TMTC1: variants seen among roughly 807,000 people sequenced by gnomAD.
TMTC1 encodes transmembrane O-mannosyltransferase targeting cadherins 1.
In TMTC1, 73 loss-of-function variants were observed where a neutral mutation model predicts 104.8. That is an observed-to-expected ratio of 0.70 (90% CI 0.58 to 0.85). The LOEUF (loss-of-function observed/expected upper bound fraction) is 0.85. Ranked by LOEUF, TMTC1 falls within the 40% of genes least tolerant of loss-of-function variation. The pLI, the probability that TMTC1 is intolerant of heterozygous loss-of-function variation, is 0.00. For missense variants in TMTC1, 1,035 were observed against 1,096.1 expected, an observed-to-expected ratio of 0.94 and a Z score of 0.79; for synonymous variants, 434 against 428.7, an observed-to-expected ratio of 1.01 and a Z score of -0.15.
At chr12:29,664,264 A>G (rs1216887833) in intron 5 of TMTC1, among the ~76,000 whole-genome samples, 1 of 152,042 alleles carries the variant, frequency 6.6e-6, no homozygotes, top group East Asian at 1.9e-4. Flanking sequence ...TCCCAATGTA[A>G]TGAAAGCCTA....
At chr12:29,600,754 G>A (rs1946542781) in intron 7 of TMTC1, among the ~76,000 whole-genome samples, 1 of 152,144 alleles carries the variant, frequency 6.6e-6, no homozygotes, top group African/African-American at 2.4e-5. Context: ...TCCACCCTCT[G>A]CTCCGGTGGC....
intron 7 of TMTC1, among the ~76,000 whole-genome samples, chr12:29,600,119 TAA>T (rs576864128): frequency 4.3e-5 from 6 of 139,908 alleles, no homozygotes; most frequent in East Asian, 2.1e-4. Flanking sequence ...ATTCCTGGGT[TAA>T]AAAAAAAAAA....
At chr12:29,744,869 A>T (rs1047032779) in intron 5 of TMTC1, among the ~76,000 whole-genome samples, 4 of 152,210 alleles carry the variant, frequency 2.6e-5, no homozygotes, top group Non-Finnish European at 4.4e-5. Context: ...TCATAATTAA[A>T]AAGCCTTTTA....
chr12:29,737,731 C>G (rs1431202890), intron 5 of TMTC1, among the ~76,000 whole-genome samples: 1 of 152,116 alleles, frequency 6.6e-6, no homozygotes, highest in Non-Finnish European at 1.5e-5. Context: ...GGTTCACATC[C>G]TGGGTCTTCC....
At chr12:29,695,247 C>G (rs1565775171) in intron 5 of TMTC1, among the ~76,000 whole-genome samples, 1 of 152,072 alleles carries the variant, frequency 6.6e-6, no homozygotes, top group Non-Finnish European at 1.5e-5. Flanking sequence ...ATCTCAAGAT[C>G]CTTAATTAAT....
chr12:29,536,422 C>T, intron 10 of TMTC1, 105 bp from the exon 11 acceptor site: 1 of 726,428 alleles, frequency 1.4e-6, no homozygotes, highest in Non-Finnish European at 2.4e-6. Context: ...CAAAGGTTAG[C>T]TGATTCACTC....
At chr12:29,582,138 T>C (rs549600686) in intron 8 of TMTC1, among the ~76,000 whole-genome samples, 1 of 152,378 alleles carries the variant, frequency 6.6e-6, no homozygotes, top group Non-Finnish European at 1.5e-5. Context: ...TTTTGTTTTA[T>C]ATTTTAAAAA....
chr12:29,611,555 G>A (rs779524011), intron 6 of TMTC1, among the ~76,000 whole-genome samples: 11 of 152,140 alleles, frequency 7.2e-5, no homozygotes, highest in Admixed American at 6.5e-4. Flanking sequence ...AAAAATGTTG[G>A]TGAATAAATA....
intron 11 of TMTC1, among the ~76,000 whole-genome samples, chr12:29,531,235 C>T (rs1025821113): frequency 6.6e-6 from 1 of 152,114 alleles, no homozygotes; most frequent in Non-Finnish European, 1.5e-5. Flanking sequence ...TTAGGGTCTT[C>T]GTCCAAGTTG....
chr12:29,590,338 G>A (rs1946247060), intron 7 of TMTC1, among the ~76,000 whole-genome samples: 1 of 152,200 alleles, frequency 6.6e-6, no homozygotes, highest in Admixed American at 6.5e-5. Context: ...TGGCTATAAA[G>A]TATCCTAATA....
intron 1 of TMTC1, among the ~76,000 whole-genome samples, chr12:29,775,892 A>G (rs1350149914): frequency 6.6e-6 from 1 of 152,086 alleles, no homozygotes; most frequent in Non-Finnish European, 1.5e-5. Context: ...CTTAGCATAA[A>G]CTTAGGTGTG....
At chr12:29,626,550 C>T (rs2136480458) in intron 6 of TMTC1, among the ~76,000 whole-genome samples, 1 of 152,200 alleles carries the variant, frequency 6.6e-6, no homozygotes, top group Non-Finnish European at 1.5e-5. Flanking sequence ...AGAAAGAATA[C>T]CCTCTTCAAA....
chr12:29,700,813 A>T (rs1437494086), intron 5 of TMTC1, among the ~76,000 whole-genome samples: 3 of 152,206 alleles, frequency 2.0e-5, no homozygotes, highest in Admixed American at 6.5e-5. Context: ...ACTGGACCAA[A>T]ATATGTGATG....
At chr12:29,638,245 C>A (rs1426756464) in intron 5 of TMTC1, among the ~76,000 whole-genome samples, 1 of 152,076 alleles carries the variant, frequency 6.6e-6, no homozygotes, top group African/African-American at 2.4e-5. Context: ...CCCTAGCGGG[C>A]ACAGATACAA....
chr12:29,611,005 T>C (rs769667125), intron 6 of TMTC1, among the ~76,000 whole-genome samples: 5 of 152,282 alleles, frequency 3.3e-5, no homozygotes, highest in African/African-American at 7.2e-5. Context: ...AAAGTAGACT[T>C]GTATACTTGA....
chr12:29,737,216 C>T (rs1011124488), intron 5 of TMTC1, among the ~76,000 whole-genome samples: 3 of 152,142 alleles, frequency 2.0e-5, no homozygotes, highest in Non-Finnish European at 4.4e-5. Context: ...AGCAGCAGCA[C>T]CCAACATGCA....
intron 5 of TMTC1, among the ~76,000 whole-genome samples, chr12:29,656,851 G>T (rs1405693504): frequency 6.6e-6 from 1 of 152,164 alleles, no homozygotes; most frequent in African/African-American, 2.4e-5. Context: ...TTCCACCAAA[G>T]AAGTTTTTTT....
chr12:29,571,515 C>A (rs961318896), intron 9 of TMTC1, among the ~76,000 whole-genome samples: 14 of 151,758 alleles, frequency 9.2e-5, no homozygotes, highest in East Asian at 1.9e-4. Context: ...GAAGCCATAT[C>A]TAAGGATATG....
At chr12:29,742,022 T>G (rs772635160) in intron 5 of TMTC1, among the ~76,000 whole-genome samples, 10 of 152,148 alleles carry the variant, frequency 6.6e-5, no homozygotes, top group Non-Finnish European at 1.0e-4. Context: ...TCATCATTCC[T>G]TTCACAAAAT....
Sources: gnomAD v4.1 joint callset for allele counts (sites outside exome capture counted in the v4.1 genomes callset) on GRCh38, gnomAD v4.1.1 for gene constraint, MANE v1.5 for transcripts, NCBI Gene and HGNC (gene_info 2026-07-23, HGNC 2026-07-21) for gene names.